Variants in PCED1B observed in about 807,000 individuals in gnomAD.
PCED1B encodes the protein PC-esterase domain-containing protein 1B.
For synonymous variants in PCED1B, 251 were observed against 246.1 expected, an observed-to-expected ratio of 1.02 and a Z score of -0.19; for missense variants, 573 against 573.9, an observed-to-expected ratio of 1.00 and a Z score of 0.02.
chr12:47,131,737 C>T (rs1314375537), intron 2 of PCED1B, among the ~76,000 whole-genome samples: 2 of 145,164 alleles, frequency 1.4e-5, no homozygotes, highest in East Asian at 2.1e-4. Context: ...GGCGCAATCT[C>T]GTCTCACTGC....
intron 2 of PCED1B, among the ~76,000 whole-genome samples, chr12:47,132,043 A>T (rs542142979): frequency 6.6e-6 from 1 of 152,334 alleles, no homozygotes; most frequent in African/African-American, 2.4e-5. Context: ...TGACCTGGCC[A>T]GTAATGAACT....
chr12:47,120,726 C>T (rs1332954890), intron 2 of PCED1B, among the ~76,000 whole-genome samples: 6 of 151,988 alleles, frequency 3.9e-5, no homozygotes, highest in Non-Finnish European at 7.4e-5. Flanking sequence ...CACTTGAACC[C>T]GGGAGGCAGA....
intron 1 of PCED1B, among the ~76,000 whole-genome samples, chr12:47,096,427 T>C (rs181891612): frequency 2.9e-3 from 430 of 150,364 alleles, no homozygotes; most frequent in Non-Finnish European, 4.5e-3. Context: ...ACACATTATA[T>C]ATTATATATT....
intron 1 of PCED1B, among the ~76,000 whole-genome samples, chr12:47,083,460 A>AT (rs1470064185): frequency 6.6e-6 from 1 of 151,930 alleles, no homozygotes; most frequent in African/African-American, 2.4e-5. Context: ...TCTTAATAGG[A>AT]TTTTTACAGT....
At chr12:47,194,948 A>G (rs1371102684) in intron 2 of PCED1B, among the ~76,000 whole-genome samples, 1 of 152,196 alleles carries the variant, frequency 6.6e-6, no homozygotes, top group East Asian at 1.9e-4. Flanking sequence ...AGTATTATAT[A>G]TTTAACTTGT....
chr12:47,164,171 T>C (rs1565576760), intron 2 of PCED1B, among the ~76,000 whole-genome samples: 1 of 152,246 alleles, frequency 6.6e-6, no homozygotes, highest in Non-Finnish European at 1.5e-5. Flanking sequence ...AGTCATGTTC[T>C]TCTCACATAC....
intron 2 of PCED1B, among the ~76,000 whole-genome samples, chr12:47,202,344 G>A (rs1024830609): frequency 2.6e-5 from 4 of 152,152 alleles, no homozygotes; most frequent in African/African-American, 9.7e-5. Context: ...AGAAGCACAT[G>A]AGCTTCCAGG....
rs76103302 is a variant in PCED1B, at chr12:47,154,683, A to G, written c.-526+50488A>G. Among the ~76,000 whole-genome samples the G allele has an allele frequency of 1.7e-3, 256 of 152,098 alleles. 2 individuals are homozygous for G. Among genetic ancestry groups the G allele is most frequent in the Admixed American group, 4.1e-3 (62 of 15,268 alleles). ...TGACAACAGCAACTCTGGAGTCCCA[A>G]CTACTCATAATCCCTTAGAGCTCTA... On this transcript the variant is annotated intron_variant, in intron 2 of 3. Transcript: ENST00000546455.
At position 47,211,627 on chromosome 12, in the gene PCED1B, A is replaced by G. The variant is rs150639833; in HGVS notation, c.-525-4595A>G. On this transcript the variant is annotated intron_variant, in intron 2 of 3. Transcript: ENST00000546455. ...CAAGATCGCACCACTGCACTCTACT[A>G]TGGGCAACAGAGTGAGACTCTGTCT... Among the ~76,000 whole-genome samples, 1,142 of 130,722 alleles carry G rather than the reference A, an allele frequency of 8.7e-3. 7 individuals carry two copies. Among genetic ancestry groups the G allele is most frequent in the Non-Finnish European group, 0.013 (852 of 63,834 alleles). 85.8% of individuals were successfully genotyped at this position (130,722 alleles called of 152,430 possible). A position where few individuals can be genotyped will look rare whatever the true frequency, so the allele number is the denominator to read the frequency against.
At chr12:47,103,533 A>C (rs560747346) in intron 1 of PCED1B, among the ~76,000 whole-genome samples, 1 of 152,376 alleles carries the variant, frequency 6.6e-6, no homozygotes, top group East Asian at 1.9e-4. Context: ...CTGTGTTTAC[A>C]TGCCATGTAG....
rs549372675 is a variant in PCED1B, at chr12:47,215,423, T to G, written c.-525-799T>G. ...GGCCCACCACCACGCCCAGCTAATT[T>G]TTGTATTTTCAGTAGAGACGGAGTT... On this transcript the variant is annotated intron_variant, in intron 2 of 3. Transcript: ENST00000546455. Among the ~76,000 whole-genome samples the G allele has an allele frequency of 2.0e-3, 299 of 152,006 alleles. 2 individuals carry two copies. Among genetic ancestry groups the G allele is most frequent in the Non-Finnish European group, 3.5e-3 (237 of 67,980 alleles).
intron 2 of PCED1B, among the ~76,000 whole-genome samples, chr12:47,159,764 G>T (rs1941310148): frequency 6.6e-6 from 1 of 151,472 alleles, no homozygotes; most frequent in Admixed American, 6.6e-5. Flanking sequence ...GTCTATTTTT[G>T]GTTTCAGTTG....
intron 2 of PCED1B, among the ~76,000 whole-genome samples, chr12:47,107,638 C>T (rs1313025854): frequency 6.6e-6 from 1 of 152,194 alleles, no homozygotes; most frequent in African/African-American, 2.4e-5. Flanking sequence ...CAGGCACCAA[C>T]AGGCAGACGG....
At chr12:47,166,506 A>G (rs1030487175) in intron 2 of PCED1B, among the ~76,000 whole-genome samples, 3 of 152,228 alleles carry the variant, frequency 2.0e-5, no homozygotes, top group Non-Finnish European at 4.4e-5. Context: ...CACTCACCTG[A>G]GAAACATGTC....
At chr12:47,104,433 G>A (rs546893687) in intron 2 of PCED1B, among the ~76,000 whole-genome samples, 1 of 152,306 alleles carries the variant, frequency 6.6e-6, no homozygotes, top group Admixed American at 6.5e-5. Flanking sequence ...ACATGAATGA[G>A]TGACAATACT....
At chr12:47,142,236 G>A (rs1321927232) in intron 2 of PCED1B, among the ~76,000 whole-genome samples, 2 of 152,218 alleles carry the variant, frequency 1.3e-5, no homozygotes, top group Admixed American at 6.5e-5. Context: ...ACCTCACACT[G>A]GACCCAGCAG....
chr12:47,227,792 T>G (rs1159165583), intron 3 of PCED1B, among the ~76,000 whole-genome samples: 2 of 151,898 alleles, frequency 1.3e-5, no homozygotes, highest in East Asian at 4.0e-4. Context: ...GGCAAAAGTT[T>G]CAGTGAGCTG....
At chr12:47,179,649 A>G (rs1393074274) in intron 2 of PCED1B, among the ~76,000 whole-genome samples, 9 of 152,206 alleles carry the variant, frequency 5.9e-5, no homozygotes, top group Admixed American at 5.9e-4. Context: ...TCTGCTTCAT[A>G]ATTCTGAACA....
Position 47,235,076 on chromosome 12 carries a change from CG to C in PCED1B, c.16del (p.Ala6ProfsTer49). 6.6e-7 allele frequency: 1 copy of C among 1,526,672 alleles called. No homozygotes were observed. Among genetic ancestry groups the C allele is most frequent in the East Asian group, 2.3e-5 (1 of 44,158 alleles). 94.6% of individuals were successfully genotyped at this position (1,526,672 alleles called of 1,614,324 possible). The part of the protein sequence containing the change: MILL[R>X]ASEVRQLLHN... ...CGCCCTGGGCGTCATGATCCTTCTG[CG>C]GGCCTCCGAAGTGCGGCAGCTGCTT... On this transcript the variant is annotated frameshift_variant, in exon 4 of 4. Coordinates refer to ENST00000546455, the MANE Select transcript of PCED1B (RefSeq NM_138371.3). LOFTEE classifies it low-confidence loss of function (END_TRUNC).
Sources: gnomAD v4.1 joint callset for allele counts (sites outside exome capture counted in the v4.1 genomes callset) on GRCh38, gnomAD v4.1.1 for gene constraint, MANE v1.5 for transcripts, NCBI Gene and HGNC (gene_info 2026-07-23, HGNC 2026-07-21) for gene names.